KLF12: variants seen among roughly 807,000 people sequenced by gnomAD.
KLF12 encodes the protein KLF transcription factor 12.
In KLF12, 9 loss-of-function variants were observed where a neutral mutation model predicts 37.8. The ratio of observed to expected loss-of-function variants is 0.24; its 90% CI spans 0.14 to 0.42. The LOEUF is 0.42. KLF12 is among the 10% of genes least tolerant of loss of function. The pLI is 1.00. For synonymous variants in KLF12, 208 were observed against 202.1 expected (o/e 1.03, Z -0.25); for missense variants, 411 against 516.0 (o/e 0.80, Z 1.97).
chr13:73,743,673 G>A lies in KLF12; in HGVS notation c.869+21265C>T, dbSNP rs749699006. On this transcript the variant is annotated intron_variant, in intron 6 of 7. Coordinates refer to ENST00000377669, the MANE Select transcript of KLF12 (RefSeq NM_007249.5). The stretch of plus-strand genomic sequence containing the variant: ...CATGCATATTACATTATATGTGTGG[G>A]TTTATGTGTATTTATGTAGAGTTGG... 2.6e-5 allele frequency among the ~76,000 whole-genome samples: 4 copies of A among 152,176 alleles called. No individual in the cohort carries two copies. In the South Asian group the frequency reaches 8.3e-4, roughly 32 times the overall value.
the KLF12 span, among the ~76,000 whole-genome samples, chr13:74,247,725 A>G: frequency 6.6e-6 from 1 of 151,766 alleles, no homozygotes; most frequent in Non-Finnish European, 1.5e-5. Flanking sequence ...TCCCACCTTG[A>G]CCTCCCAAAG....
rs1437324894 is a variant in KLF12 at position 74,112,384 on chromosome 13, TTGTCTGTGTGTG to T, written c.-32+21343_-32+21354del. 4.0e-3 allele frequency among the ~76,000 whole-genome samples: 576 copies of T among 145,268 alleles called. 4 individuals carry two copies. Among genetic ancestry groups the T allele is most frequent in the Middle Eastern group, 0.021 (6 of 290 alleles). On this transcript the variant is annotated intron_variant, in intron 1 of 7. Coordinates refer to ENST00000377669, the MANE Select transcript of KLF12 (RefSeq NM_007249.5). Reference sequence around the variant, plus strand: ...TCCATTTTACTGCACTTTGCAGATATTGTCTGTGTGTGTGTGTGTGTGTGTGTGTGTGTGTTT... The same window carrying T: ...TCCATTTTACTGCACTTTGCAGATATTGTGTGTGTGTGTGTGTGTGTGTTT...
At chr13:73,912,959 T>C (rs921424029) in intron 3 of KLF12, among the ~76,000 whole-genome samples, 1 of 148,810 alleles carries the variant, frequency 6.7e-6, no homozygotes, top group Non-Finnish European at 1.5e-5. Context: ...CATGTTATTA[T>C]CTTTCATAAC....
intron 3 of KLF12, among the ~76,000 whole-genome samples, chr13:73,878,929 C>G (rs1886845524): frequency 6.6e-6 from 1 of 152,040 alleles, no homozygotes; most frequent in Admixed American, 6.6e-5. Flanking sequence ...TATGGAGGCC[C>G]TGTGAGGAGA....
chr13:74,019,536 C>T (rs959229499), intron 1 of KLF12, among the ~76,000 whole-genome samples: 8 of 152,176 alleles, frequency 5.3e-5, no homozygotes, highest in South Asian at 2.1e-4. Flanking sequence ...GTCTTTTTAA[C>T]TTACAAGTCC....
At chr13:73,964,089 T>C (rs1392449192) in intron 2 of KLF12, among the ~76,000 whole-genome samples, 1 of 152,192 alleles carries the variant, frequency 6.6e-6, no homozygotes, top group Admixed American at 6.5e-5. Flanking sequence ...ACAGATTCCT[T>C]CTGAAGTATT....
At chr13:74,162,705 G>A in the KLF12 span, among the ~76,000 whole-genome samples, 2 of 152,264 alleles carry the variant, frequency 1.3e-5, no homozygotes, top group East Asian at 3.9e-4. Flanking sequence ...CCTGGCAGAG[G>A]TTTGTGGGTC....
chr13:74,164,865 G>A, the KLF12 span, among the ~76,000 whole-genome samples: 1 of 152,124 alleles, frequency 6.6e-6, no homozygotes, highest in Non-Finnish European at 1.5e-5. Context: ...GAAAACAATT[G>A]AACTGATGGA....
chr13:74,028,419 A>C (rs901955097), intron 1 of KLF12, among the ~76,000 whole-genome samples: 1 of 152,204 alleles, frequency 6.6e-6, no homozygotes, highest in Non-Finnish European at 1.5e-5. Flanking sequence ...CAGAATAATT[A>C]GTAAAGTATA....
Position 73,695,340 on chromosome 13 carries a change from G to A in KLF12, c.*150C>T. ...GATGGGGGTTACCTTCAGACCAAAAGAAGTGTGCCTTCTTTTTCCTGCTCT... is the reference window on the plus strand; with the variant it reads ...GATGGGGGTTACCTTCAGACCAAAAAAAGTGTGCCTTCTTTTTCCTGCTCT... On this transcript the variant is annotated 3_prime_UTR_variant, in exon 8 of 8. Transcript: ENST00000377669. The A allele has an allele frequency of 1.4e-6, 1 of 732,750 alleles. No individual in the cohort carries two copies. The highest frequency in any genetic ancestry group is 1.9e-5 in the South Asian group (1 of 52,398). The allele number at this position is 732,750 out of a possible 1,614,324, so 45.4% of individuals were successfully genotyped here. A position where few individuals can be genotyped will look rare whatever the true frequency, so the allele number is the denominator to read the frequency against.
At chr13:73,927,117 T>G (rs1037013084) in intron 3 of KLF12, among the ~76,000 whole-genome samples, 3 of 152,182 alleles carry the variant, frequency 2.0e-5, no homozygotes, top group African/African-American at 7.2e-5. Flanking sequence ...ATAATTCCCA[T>G]TTTATCTAAA....
At chr13:74,275,867 T>TTTCTTTC in the KLF12 span, among the ~76,000 whole-genome samples, 1 of 79,302 alleles carries the variant, frequency 1.3e-5, no homozygotes, top group African/African-American at 4.7e-5. Context: ...TCTTTCTTTC[T>TTTCTTTC]ATCTTTCTTT....
At chr13:73,997,937 T>C (rs971719431) in intron 1 of KLF12, among the ~76,000 whole-genome samples, 1 of 152,192 alleles carries the variant, frequency 6.6e-6, no homozygotes, top group African/African-American at 2.4e-5. Flanking sequence ...GAACCATGGG[T>C]AAATACTCAT....
the KLF12 span, among the ~76,000 whole-genome samples, chr13:74,175,273 C>G: frequency 2.0e-5 from 3 of 152,190 alleles, no homozygotes; most frequent in East Asian, 3.8e-4. Flanking sequence ...GTTTCTAACT[C>G]TAACTTATAA....
intron 1 of KLF12, among the ~76,000 whole-genome samples, chr13:74,049,510 C>T (rs1332521376): frequency 6.6e-6 from 1 of 151,848 alleles, no homozygotes; most frequent in Non-Finnish European, 1.5e-5. Flanking sequence ...AATGCACTCA[C>T]CAAATAAGAG....
At chr13:73,895,557 A>G (rs1377237284) in intron 3 of KLF12, among the ~76,000 whole-genome samples, 2 of 152,196 alleles carry the variant, frequency 1.3e-5, no homozygotes, top group Non-Finnish European at 2.9e-5. Context: ...GTGGGTGGTT[A>G]GTAATGTTGA....
the KLF12 span, among the ~76,000 whole-genome samples, chr13:74,273,698 A>G: frequency 3.3e-5 from 5 of 152,062 alleles, no homozygotes; most frequent in South Asian, 2.1e-4. Flanking sequence ...TGGACTTGGA[A>G]TATTTTTGGC....
At position 73,715,612 on chromosome 13, in the gene KLF12, T is replaced by C. The variant is rs954978036; in HGVS notation, c.870-87A>G. On this transcript the variant is annotated intron_variant, in intron 6 of 7. Coordinates refer to ENST00000377669, the MANE Select transcript of KLF12 (RefSeq NM_007249.5). ...GGCATGGGAACATTGTCTCAGACAC[T>C]ACAGCTTCACAGACTCAAGGCCACC... is the stretch of plus-strand genomic sequence containing the variant. 28 of 1,340,296 alleles carry C rather than the reference T, an allele frequency of 2.1e-5. 1 individual carries two copies. The South Asian group carries it at 3.5e-4, about 17-fold the overall frequency. The allele number at this position is 1,340,296 out of a possible 1,614,324, so 83.0% of individuals were successfully genotyped here.
chr13:73,816,984 C>T (rs1312645907), intron 4 of KLF12, among the ~76,000 whole-genome samples: 1 of 152,156 alleles, frequency 6.6e-6, no homozygotes, highest in Non-Finnish European at 1.5e-5. Context: ...AAACCCATGC[C>T]ACATTTCTGA....
Sources: allele counts gnomAD v4.1 joint callset (sites outside exome capture counted in the v4.1 genomes callset), GRCh38; gene constraint gnomAD v4.1.1; transcripts MANE v1.5; gene names NCBI Gene and HGNC (gene_info 2026-07-23, HGNC 2026-07-21).